The following SLCO1C1 variants were observed in gnomAD, a reference collection of about 807,000 sequenced individuals.
The protein encoded by SLCO1C1 is solute carrier organic anion transporter family member 1C1, also known as OAT-RP-5.
SLCO1C1 carries 70 observed loss-of-function variants against 76.4 expected under a neutral mutation model. The observed-to-expected ratio is 0.92, with a 90% confidence interval of 0.76 to 1.12. The LOEUF (loss-of-function observed/expected upper bound fraction) is 1.12. SLCO1C1 is among the 50% of genes most tolerant of loss of function. The probability of loss-of-function intolerance (pLI) is 0.00; values close to 1 mark genes in which losing one functional copy is unlikely to be tolerated. For synonymous variants in SLCO1C1, 306 were observed against 286.1 expected (o/e 1.07, Z -0.70); for missense variants, 912 against 823.8 (o/e 1.11, Z -1.31).
At chr12:20,704,303 C>A (rs1272140181) in intron 3 of SLCO1C1, among the ~76,000 whole-genome samples, 4 of 146,642 alleles carry the variant, frequency 2.7e-5, no homozygotes, top group Non-Finnish European at 6.0e-5. Context: ...ATGACATGCC[C>A]ATTAACGTAA....
At chr12:20,740,787 T>TTTTATATATATA (rs1217819863) in intron 12 of SLCO1C1, among the ~76,000 whole-genome samples, 21 of 75,058 alleles carry the variant, frequency 2.8e-4, no homozygotes, top group African/African-American at 1.0e-3. Flanking sequence ...TTTATTTTAT[T>TTTTATATATATA]TATATATATA....
chr12:20,745,578 A>G (rs972749099), intron 13 of SLCO1C1, among the ~76,000 whole-genome samples: 3 of 152,152 alleles, frequency 2.0e-5, no homozygotes, highest in African/African-American at 7.2e-5. Context: ...TAATCCCAGC[A>G]CTTTGAGAGG....
chr12:20,741,048 G>C (rs1948797070), intron 12 of SLCO1C1, among the ~76,000 whole-genome samples: 1 of 151,844 alleles, frequency 6.6e-6, no homozygotes, highest in Non-Finnish European at 1.5e-5. Context: ...TGGGGGAAGA[G>C]GAAACAAACA....
At position 20,701,474 on chromosome 12, in the gene SLCO1C1, T is replaced by C. The variant is rs1489674685; in HGVS notation, c.271+15T>C. 6.9e-7 allele frequency: 1 copy of C among 1,448,084 alleles called. No individual in the cohort carries two copies. Among genetic ancestry groups the C allele is most frequent in the Admixed American group, 2.0e-5 (1 of 50,262 alleles). 89.7% of individuals were successfully genotyped at this position (1,448,084 alleles called of 1,614,324 possible). On this transcript the variant is annotated intron_variant, in intron 3 of 14. Transcript: ENST00000266509. ...TTTTGAAATTGGTAGGTATTACAGA[T>C]GCCTGACTTTAATTTTAAGCCCAAG...
At chr12:20,749,743 C>T (rs1019409379) in intron 13 of SLCO1C1, among the ~76,000 whole-genome samples, 4 of 152,112 alleles carry the variant, frequency 2.6e-5, no homozygotes, top group African/African-American at 7.2e-5. Context: ...TGTTTCCTAC[C>T]GTGGTGAGCT....
rs538677109 is a variant in SLCO1C1, at chr12:20,753,170, A to G, written c.*642A>G. 6.6e-6 allele frequency: 1 copy of G among 152,346 alleles called. No individual in the cohort carries two copies. The highest frequency in any genetic ancestry group is 6.5e-5 in the Admixed American group (1 of 15,296). 9.4% of individuals were successfully genotyped at this position (152,346 alleles called of 1,614,324 possible). On this transcript the variant is annotated 3_prime_UTR_variant, in exon 15 of 15. Transcript: ENST00000266509. ...TTACATGTGCTTTTTGTGTGGCGCT[A>G]TAAGTGACTATGGTTGTAAAGTAAT...
intron 14 of SLCO1C1, among the ~76,000 whole-genome samples, chr12:20,751,338 C>A (rs1949293625): frequency 6.6e-6 from 1 of 151,994 alleles, no homozygotes; most frequent in South Asian, 2.1e-4. Flanking sequence ...GGTGGCGTGG[C>A]TTTTTCACTA....
intron 11 of SLCO1C1, 140 bp from the exon 12 acceptor site, chr12:20,740,044 T>C (rs1035923962): frequency 2.4e-6 from 2 of 830,586 alleles, no homozygotes; most frequent in Admixed American, 3.0e-5. Context: ...TTGCTCAATA[T>C]ACTGTAATAC....
chr12:20,732,361 G>A (rs181033387), intron 9 of SLCO1C1, among the ~76,000 whole-genome samples: 1 of 152,114 alleles, frequency 6.6e-6, no homozygotes, highest in East Asian at 1.9e-4. Flanking sequence ...GGAAAATTCA[G>A]TGTGATAATA....
Position 20,752,546 on chromosome 12 carries a change from G to C in SLCO1C1, c.*18G>C. ...AACTTTAGAAACATGATGACTGGAA[G>C]TCATGTCTTCTAATTGGTTGACATT... On this transcript the variant is annotated 3_prime_UTR_variant, in exon 15 of 15. Transcript: ENST00000266509. The C allele has an allele frequency of 6.5e-7, 1 of 1,545,008 alleles. No individual in the cohort carries two copies. Among genetic ancestry groups the C allele is most frequent in the Non-Finnish European group, 8.8e-7 (1 of 1,140,872 alleles).
At chr12:20,730,006 G>T (rs909298473) in intron 9 of SLCO1C1, among the ~76,000 whole-genome samples, 4 of 152,150 alleles carry the variant, frequency 2.6e-5, no homozygotes, top group Non-Finnish European at 4.4e-5. Context: ...ATTCTAGGCT[G>T]CTGGGGGTCT....
intron 9 of SLCO1C1, among the ~76,000 whole-genome samples, chr12:20,727,828 G>C (rs1948098036): frequency 6.6e-6 from 1 of 152,158 alleles, no homozygotes; most frequent in African/African-American, 2.4e-5. Context: ...CTTTTGTGAA[G>C]TGTCTGTACA....
intron 12 of SLCO1C1, 81 bp from the exon 13 acceptor site, chr12:20,743,224 T>G: frequency 7.7e-7 from 1 of 1,305,024 alleles, no homozygotes; most frequent in South Asian, 1.2e-5. Flanking sequence ...ATTTCATGTA[T>G]GTTAGGCAGA....
intron 14 of SLCO1C1, among the ~76,000 whole-genome samples, chr12:20,751,225 T>C (rs1304459073): frequency 6.6e-6 from 1 of 152,148 alleles, no homozygotes; most frequent in East Asian, 1.9e-4. Flanking sequence ...TGGCTCTAAA[T>C]CTGTCCGGCT....
chr12:20,707,875 A>T (rs983687196), intron 4 of SLCO1C1, among the ~76,000 whole-genome samples: 1 of 152,236 alleles, frequency 6.6e-6, no homozygotes, highest in Admixed American at 6.5e-5. Flanking sequence ...GCTAGTGTTG[A>T]CAAAGGATAT....
At chr12:20,708,991 G>C (rs778243432) in intron 4 of SLCO1C1, among the ~76,000 whole-genome samples, 1 of 152,134 alleles carries the variant, frequency 6.6e-6, no homozygotes, top group African/African-American at 2.4e-5. Flanking sequence ...TAAGCAGAGT[G>C]ACATGATCTT....
intron 9 of SLCO1C1, among the ~76,000 whole-genome samples, chr12:20,732,613 C>T (rs1948338731): frequency 6.6e-6 from 1 of 152,086 alleles, no homozygotes; most frequent in African/African-American, 2.4e-5. Context: ...CACCTAATTG[C>T]TACCTAATTG....
intron 7 of SLCO1C1, 79 bp from the exon 8 acceptor site, chr12:20,721,725 A>G (rs1171741141): frequency 1.4e-6 from 2 of 1,478,850 alleles, no homozygotes; most frequent in African/African-American, 2.9e-5. Flanking sequence ...GAGTTTTGCA[A>G]GAATTTATTT....
chr12:20,712,708 A>T (rs990041254), intron 5 of SLCO1C1, among the ~76,000 whole-genome samples: 2 of 152,182 alleles, frequency 1.3e-5, no homozygotes, highest in Non-Finnish European at 2.9e-5. Flanking sequence ...TATTCTCATT[A>T]GTACATTCTG....
Sources: gnomAD v4.1 joint callset for allele counts (sites outside exome capture counted in the v4.1 genomes callset) on GRCh38, gnomAD v4.1.1 for gene constraint, MANE v1.5 for transcripts, NCBI Gene and HGNC (gene_info 2026-07-23, HGNC 2026-07-21) for gene names.